Variants in PTPRD observed in about 807,000 individuals in gnomAD.
PTPRD encodes protein tyrosine phosphatase receptor type D.
A neutral mutation model predicts 214.5 loss-of-function variants in PTPRD; 34 were observed. That is an observed-to-expected ratio of 0.16 (90% CI 0.12 to 0.21). PTPRD has a LOEUF of 0.21. PTPRD is among the 10% of genes least tolerant of loss of function. PTPRD has a pLI of 1.00. For missense variants in PTPRD, 2,545 were observed against 2,398.7 expected, an observed-to-expected ratio of 1.06 and a Z score of -1.27; for synonymous variants, 1,128 against 845.7, an observed-to-expected ratio of 1.33 and a Z score of -5.79.
chr9:8,783,114 A>T (rs2095802399), intron 11 of PTPRD, among the ~76,000 whole-genome samples: 1 of 152,248 alleles, frequency 6.6e-6, no homozygotes, highest in South Asian at 2.1e-4. Context: ...CAACATGACC[A>T]GAATATTAAA....
intron 5 of PTPRD, among the ~76,000 whole-genome samples, chr9:9,893,501 T>C (rs866323744): frequency 6.6e-6 from 1 of 152,130 alleles, no homozygotes; most frequent in African/African-American, 2.4e-5. Context: ...TAATGAAATA[T>C]GTCAAACTCC....
At chr9:10,160,284 A>T (rs2099119627) in intron 3 of PTPRD, among the ~76,000 whole-genome samples, 2 of 152,064 alleles carry the variant, frequency 1.3e-5, no homozygotes, top group African/African-American at 2.4e-5. Flanking sequence ...ATATAATCTG[A>T]CAAGTTTGAA....
rs560744649 is a variant in PTPRD, at chr9:9,422,553, T to A, written c.-236-25071A>T. On this transcript the variant is annotated intron_variant, in intron 8 of 45. Coordinates refer to ENST00000381196, the MANE Select transcript of PTPRD (RefSeq NM_002839.4). The stretch of plus-strand genomic sequence containing the variant: ...CGGTAAATTCATTGGACGTAAGACA[T>A]ACATAAATACTGTCCATTTTTCTCC... Among the ~76,000 whole-genome samples, 113 of 152,212 alleles carry A rather than the reference T, an allele frequency of 7.4e-4. 1 individual carries two copies. Among genetic ancestry groups the A allele is most frequent in the Middle Eastern group, 3.4e-3 (1 of 294 alleles).
At chr9:9,390,584 T>G (rs2065462734) in intron 9 of PTPRD, among the ~76,000 whole-genome samples, 1 of 152,166 alleles carries the variant, frequency 6.6e-6, no homozygotes, top group African/African-American at 2.4e-5. Flanking sequence ...ATTATTGTTA[T>G]TATTGCCTTA....
At chr9:9,975,125 C>T (rs1295392816) in intron 4 of PTPRD, among the ~76,000 whole-genome samples, 1 of 152,030 alleles carries the variant, frequency 6.6e-6, no homozygotes, top group Non-Finnish European at 1.5e-5. Context: ...ATGTGCGCTC[C>T]CATTTACAGA....
chr9:8,738,537 G>A (rs56303498), intron 11 of PTPRD, among the ~76,000 whole-genome samples: 4 of 151,626 alleles, frequency 2.6e-5, no homozygotes, highest in South Asian at 2.1e-4. Context: ...GGAAGTTGTC[G>A]GAACTACTAG....
chr9:10,129,143 CTTGT>C (rs764517463), intron 3 of PTPRD, among the ~76,000 whole-genome samples: 1 of 152,068 alleles, frequency 6.6e-6, no homozygotes, highest in Non-Finnish European at 1.5e-5. Context: ...CTTGCTGCTT[CTTGT>C]TTGTGTATGA....
At chr9:10,156,334 A>G (rs1180513756) in intron 3 of PTPRD, among the ~76,000 whole-genome samples, 1 of 151,996 alleles carries the variant, frequency 6.6e-6, no homozygotes, top group Non-Finnish European at 1.5e-5. Context: ...GGTGTGTTGT[A>G]TCTTTTCTCT....
At chr9:10,229,021 G>C (rs529128539) in intron 3 of PTPRD, among the ~76,000 whole-genome samples, 2 of 151,982 alleles carry the variant, frequency 1.3e-5, no homozygotes, top group South Asian at 2.1e-4. Context: ...TGTTTTGCCG[G>C]TATATGAGAT....
intron 9 of PTPRD, among the ~76,000 whole-genome samples, chr9:9,351,191 T>A (rs2050981898): frequency 6.6e-6 from 1 of 151,922 alleles, no homozygotes; most frequent in Non-Finnish European, 1.5e-5. Flanking sequence ...CAGATTTGAG[T>A]TTTGCCTCAT....
chr9:9,294,940 T>C (rs547680018), intron 9 of PTPRD, among the ~76,000 whole-genome samples: 1 of 151,834 alleles, frequency 6.6e-6, no homozygotes, highest in Admixed American at 6.6e-5. Context: ...AAGTTTTAAG[T>C]GAAATATTAG....
Position 8,393,480 on chromosome 9 carries a change from A to G in PTPRD, c.4211-4073T>C, listed in dbSNP as rs1401243895. 2.6e-5 allele frequency among the ~76,000 whole-genome samples: 4 copies of G among 152,070 alleles called. No individual in the cohort carries two copies. In the East Asian group the frequency reaches 7.7e-4, roughly 29 times the overall value. ...GCGAAGGAGCTATTAAAACAGGAGG[A>G]ACATGACAAAGATGTTTGCCTTCTG... is the stretch of plus-strand genomic sequence containing the variant. On this transcript the variant is annotated intron_variant, in intron 36 of 45. Coordinates refer to ENST00000381196, the MANE Select transcript of PTPRD (RefSeq NM_002839.4).
At chr9:8,335,644 G>GCAAT (rs1377704314) in intron 43 of PTPRD, among the ~76,000 whole-genome samples, 1 of 152,154 alleles carries the variant, frequency 6.6e-6, no homozygotes. Flanking sequence ...TCTGGCCAGG[G>GCAAT]CAATCAGGCA....
At chr9:9,943,089 C>A (rs2091906648) in intron 4 of PTPRD, among the ~76,000 whole-genome samples, 2 of 152,058 alleles carry the variant, frequency 1.3e-5, no homozygotes, top group South Asian at 2.1e-4. Flanking sequence ...GTTAGCCTAC[C>A]CAAGTCTCCT....
chr9:9,270,669 T>C (rs1017690957), intron 9 of PTPRD, among the ~76,000 whole-genome samples: 6 of 151,392 alleles, frequency 4.0e-5, no homozygotes, highest in African/African-American at 1.5e-4. Flanking sequence ...CCCATGATCT[T>C]ATTTATGTTA....
intron 2 of PTPRD, among the ~76,000 whole-genome samples, chr9:10,580,071 CTTAA>C (rs2071165522): frequency 6.6e-6 from 1 of 152,106 alleles, no homozygotes; most frequent in East Asian, 1.9e-4. Flanking sequence ...GTTGTTCTAG[CTTAA>C]TTAAGCATAA....
At chr9:8,455,971 T>A (rs554587128) in intron 33 of PTPRD, among the ~76,000 whole-genome samples, 79 of 152,300 alleles carry the variant, frequency 5.2e-4, no homozygotes, top group Non-Finnish European at 9.4e-4. Context: ...ATATCTAAGT[T>A]TGAAAGCTTT....
intron 4 of PTPRD, among the ~76,000 whole-genome samples, chr9:9,978,137 C>T (rs2095423277): frequency 7.2e-6 from 1 of 139,084 alleles, no homozygotes; most frequent in Admixed American, 7.2e-5. Context: ...TGATTGGTAA[C>T]ATATAAATGT....
chr9:8,752,256 A>C (rs930985916), intron 11 of PTPRD, among the ~76,000 whole-genome samples: 1 of 152,162 alleles, frequency 6.6e-6, no homozygotes, highest in Non-Finnish European at 1.5e-5. Flanking sequence ...CTTGCAGTAA[A>C]GAAGCCTGCT....
Sources: gnomAD v4.1 joint callset for allele counts (sites outside exome capture counted in the v4.1 genomes callset) on GRCh38, gnomAD v4.1.1 for gene constraint, MANE v1.5 for transcripts, NCBI Gene and HGNC (gene_info 2026-07-23, HGNC 2026-07-21) for gene names.